The following USP30 variants were observed in gnomAD, a reference collection of about 807,000 sequenced individuals.
USP30 encodes the protein ubiquitin carboxyl-terminal hydrolase 30.
USP30 carries 41 observed loss-of-function variants against 68.2 expected under a neutral mutation model. The observed-to-expected ratio is 0.60, with a 90% CI of 0.47 to 0.78. The LOEUF (loss-of-function observed/expected upper bound fraction) is 0.78, where lower values mean the gene tolerates loss of function less well. Ranked by LOEUF, USP30 falls within the 30% of genes least tolerant of loss-of-function variation. The pLI, the probability that USP30 is intolerant of heterozygous loss-of-function variation, is 0.00. For missense variants in USP30, 522 were observed against 649.4 expected (o/e 0.80, Z 2.13); for synonymous variants, 229 against 253.7 (o/e 0.90, Z 0.93).
At chr12:109,031,012 G>C (rs932914475) in intron 3 of USP30, among the ~76,000 whole-genome samples, 15 of 151,784 alleles carry the variant, frequency 9.9e-5, no homozygotes, top group Admixed American at 4.6e-4. Context: ...CTGAGCAAAG[G>C]GTATACCAGA....
At chr12:109,052,369 T>G, upstream of USP30, 4 of 247,824 alleles carry the variant, frequency 1.6e-5, no homozygotes, top group East Asian at 1.5e-4. Context: ...AAGTGTGCCA[T>G]CTGTATTTAT....
At chr12:109,068,301 G>T (rs947242592) in intron 4 of USP30, among the ~76,000 whole-genome samples, 1 of 152,198 alleles carries the variant, frequency 6.6e-6, no homozygotes, top group African/African-American at 2.4e-5. Flanking sequence ...GTCCAGCTTC[G>T]TGTAGGCGTT....
intron 3 of USP30, among the ~76,000 whole-genome samples, chr12:109,036,654 A>G (rs1220543949): frequency 6.6e-6 from 1 of 152,044 alleles, no homozygotes; most frequent in Non-Finnish European, 1.5e-5. Flanking sequence ...GAATCTGGGA[A>G]TGTCTTAATT....
intron 1 of USP30, among the ~76,000 whole-genome samples, chr12:109,023,552 C>CTCAATAAA (rs2040422223): frequency 6.7e-6 from 1 of 149,444 alleles, no homozygotes; most frequent in Non-Finnish European, 1.5e-5. Context: ...GAAACTCTGT[C>CTCAATAAA]TCAATAAATA....
intron 7 of USP30, among the ~76,000 whole-genome samples, chr12:109,078,556 A>T (rs7965921): frequency 1.3e-5 from 2 of 151,262 alleles, no homozygotes; most frequent in African/African-American, 2.4e-5. Flanking sequence ...CCGAGATCAC[A>T]CCACTGCATG....
chr12:109,074,407 C>T (rs146052645), intron 7 of USP30, among the ~76,000 whole-genome samples: 3 of 152,284 alleles, frequency 2.0e-5, no homozygotes, highest in African/African-American at 7.2e-5. Context: ...GAATTGCTAG[C>T]TTATATGGTA....
At chr12:109,059,202 T>C (rs1156973719) in intron 3 of USP30, among the ~76,000 whole-genome samples, 1 of 152,160 alleles carries the variant, frequency 6.6e-6, no homozygotes, top group African/African-American at 2.4e-5. Context: ...TTTTTTTGTT[T>C]TTGTTTTTTG....
chr12:109,045,573 C>T (rs1311385215), intron 3 of USP30, among the ~76,000 whole-genome samples: 2 of 152,158 alleles, frequency 1.3e-5, no homozygotes, highest in Non-Finnish European at 2.9e-5. Flanking sequence ...ACAGTATGAC[C>T]TTGGCCAAGT....
chr12:109,079,351 CT>C lies in USP30; in HGVS notation c.721-1955del, dbSNP rs71079521. ...TTCTTTTCTTTTTCTTTTTTTTTTT[CT>C]TTTTTTTTTTTTTTTTTTTTTTTTT... On this transcript the variant is annotated intron_variant, in intron 7 of 12. Coordinates refer to ENST00000257548, the MANE Select transcript of USP30 (RefSeq NM_032663.5). 3.5e-3 allele frequency among the ~76,000 whole-genome samples: 170 copies of C among 48,788 alleles called. 1 individual carries two copies. The highest frequency in any genetic ancestry group is 4.4e-3 in the African/African-American group (52 of 11,834). The allele number at this position is 48,788 out of a possible 152,430, so 32.0% of individuals were successfully genotyped here. A position where few individuals can be genotyped will look rare whatever the true frequency, so the allele number is the denominator to read the frequency against.
At chr12:109,060,054 G>A (rs1441568513) in intron 3 of USP30, 1 of 152,194 alleles carries the variant, frequency 6.6e-6, no homozygotes. Flanking sequence ...GTAGTGGTTG[G>A]CTAGCACTTA....
At chr12:109,036,034 G>C (rs1206909621) in intron 3 of USP30, among the ~76,000 whole-genome samples, 1 of 152,074 alleles carries the variant, frequency 6.6e-6, no homozygotes, top group Non-Finnish European at 1.5e-5. Context: ...GTGGCCCATG[G>C]CTGTAGTCCC....
chr12:109,046,630 C>A (rs2040607849), intron 3 of USP30, among the ~76,000 whole-genome samples: 2 of 152,180 alleles, frequency 1.3e-5, no homozygotes, highest in South Asian at 4.1e-4. Flanking sequence ...CCATCACACC[C>A]AGGGAAAAAG....
Position 109,083,042 on chromosome 12 carries a change from G to T in USP30, c.1148G>T (p.Gly383Val), listed in dbSNP as rs1232240385. 1.2e-6 allele frequency: 2 copies of T among 1,611,282 alleles called. No individual in the cohort carries two copies. Among genetic ancestry groups the T allele is most frequent in the Non-Finnish European group, 1.7e-6 (2 of 1,178,462 alleles). ...GGGCCTACACTGGAGCTGCAGGATG[G>T]GCCGGGAGCCCCCACACCAGGTGTG... ...NPGPTLELQD[G>V]PGAPTPVLNQ... The change falls in exon 11 of 13, where the codon GGG becomes GTG. Residue 383 changes from glycine to valine, a missense_variant. Physicochemically the swap from Gly to Val is moderately radical, Grantham distance 109. Coordinates refer to ENST00000257548, the MANE Select transcript of USP30 (RefSeq NM_032663.5).
rs2041264600 is a variant in USP30, at chr12:109,066,693, AG to A, written c.377-830del. Reference sequence around the variant, plus strand: ...GAGCACGACTCTGTTTCAAAAAAAAAGAAAAGTACACTACTCAAAAGACCCT... The same window carrying A: ...GAGCACGACTCTGTTTCAAAAAAAAAAAAAGTACACTACTCAAAAGACCCT... On this transcript the variant is annotated intron_variant, in intron 3 of 12. Coordinates refer to ENST00000257548, the MANE Select transcript of USP30 (RefSeq NM_032663.5). Among the ~76,000 whole-genome samples the A allele has an allele frequency of 2.0e-5, 3 of 152,310 alleles. No individual in the cohort carries two copies. In the South Asian group the frequency reaches 6.2e-4, roughly 32 times the overall value.
At chr12:109,029,670 C>T (rs1428965438) in intron 3 of USP30, among the ~76,000 whole-genome samples, 1 of 152,096 alleles carries the variant, frequency 6.6e-6, no homozygotes, top group Non-Finnish European at 1.5e-5. Context: ...TGGCTGCTTA[C>T]TGTTAGAAGA....
Position 109,059,719 on chromosome 12 carries a change from G to A in USP30, c.376+1611G>A, listed in dbSNP as rs541375581. Among the ~76,000 whole-genome samples, 90 of 152,200 alleles carry A rather than the reference G, an allele frequency of 5.9e-4. 1 individual carries two copies. The highest frequency in any genetic ancestry group is 1.8e-3 in the African/African-American group (73 of 41,522). ...AGTAGAGACAGTGTTCGCCATGTTA[G>A]CCAGACATGTCTCGAACTCCTGACC... On this transcript the variant is annotated intron_variant, in intron 3 of 12. Transcript: ENST00000257548.
In USP30 at chr12:109,071,657, G is replaced by A. The variant is rs2041447321; in HGVS notation, c.526G>A (p.Glu176Lys). ...FHVITSSLED[E>K]RDRQPRVTHL... is the part of the protein sequence containing the mutation. ...TGTCATTACCTCGTCATTGGAAGAT[G>A]AGCGAGACCGCCAGCCTCGGGTCAC... The change falls in exon 5 of 13, where the codon GAG (glutamate) becomes AAG (lysine). Residue 176 changes from glutamate (E) to lysine (K), a missense_variant. Physicochemically the swap from Glu to Lys is moderately conservative, Grantham distance 56. Coordinates refer to ENST00000257548, the MANE Select transcript of USP30 (RefSeq NM_032663.5). The A allele has an allele frequency of 8.1e-6, 13 of 1,614,218 alleles. No homozygotes were observed. The highest frequency in any genetic ancestry group is 1.1e-5 in the Non-Finnish European group (13 of 1,180,042).
At chr12:109,068,318 C>G (rs16939885) in intron 4 of USP30, among the ~76,000 whole-genome samples, 1 of 152,084 alleles carries the variant, frequency 6.6e-6, no homozygotes, top group African/African-American at 2.4e-5. Context: ...CGTTGTCTGC[C>G]GCCACTATCC....
rs1234728172 is a variant in USP30 at position 109,087,347 on chromosome 12, A to G, written c.*1416A>G. ...GGGTGAGCTGGCAGACACACCAAAC[A>G]GTGCCTTGGCAGCAGCTCACAGTGC... On this transcript the variant is annotated 3_prime_UTR_variant, in exon 13 of 13. Transcript: ENST00000257548. 1 of 152,240 alleles carries G rather than the reference A, an allele frequency of 6.6e-6. No homozygotes were observed. Among genetic ancestry groups the G allele is most frequent in the Non-Finnish European group, 1.5e-5 (1 of 68,060 alleles). 9.4% of individuals were successfully genotyped at this position (152,240 alleles called of 1,614,324 possible). A position where few individuals can be genotyped will look rare whatever the true frequency, so the allele number is the denominator to read the frequency against.
Sources: allele counts gnomAD v4.1 joint callset (sites outside exome capture counted in the v4.1 genomes callset), GRCh38; gene constraint gnomAD v4.1.1; transcripts MANE v1.5; gene names NCBI Gene and HGNC (gene_info 2026-07-23, HGNC 2026-07-21).